CDH13: variants seen among roughly 807,000 people sequenced by gnomAD.
CDH13 encodes cadherin 13, also known as cadherin-13.
Under a neutral mutation model 63.8 loss-of-function variants are expected in CDH13, and 24 were observed. That is an observed-to-expected ratio of 0.38 (90% CI 0.27 to 0.53). The LOEUF (loss-of-function observed/expected upper bound fraction) is 0.53, where lower values mean the gene tolerates loss of function less well. CDH13 is among the 20% of genes least tolerant of loss of function. CDH13 has a pLI of 0.85. For synonymous variants in CDH13, 503 were observed against 355.3 expected, an observed-to-expected ratio of 1.42 and a Z score of -4.67; for missense variants, 1,049 against 903.1, an observed-to-expected ratio of 1.16 and a Z score of -2.07.
At chr16:82,890,301 G>A (rs755192064) in intron 2 of CDH13, among the ~76,000 whole-genome samples, 1 of 152,188 alleles carries the variant, frequency 6.6e-6, no homozygotes, top group Non-Finnish European at 1.5e-5. Flanking sequence ...ATCTAGGATA[G>A]AACAGTGTAT....
chr16:82,778,947 A>G (rs1044098776), intron 1 of CDH13, among the ~76,000 whole-genome samples: 1 of 152,146 alleles, frequency 6.6e-6, no homozygotes, highest in Non-Finnish European at 1.5e-5. Flanking sequence ...GGAAATGATC[A>G]GGAATTAGCC....
At chr16:83,507,968 G>C (rs1849017307) in intron 7 of CDH13, among the ~76,000 whole-genome samples, 1 of 150,818 alleles carries the variant, frequency 6.6e-6, no homozygotes, top group Non-Finnish European at 1.5e-5. Context: ...GGAGGCAGAG[G>C]GTGCAGTGAG....
At chr16:83,209,082 G>A (rs1159069836) in intron 4 of CDH13, among the ~76,000 whole-genome samples, 2 of 152,174 alleles carry the variant, frequency 1.3e-5, no homozygotes, top group African/African-American at 4.8e-5. Flanking sequence ...GAGGAGACCT[G>A]GAGCCAGCGA....
intron 1 of CDH13, among the ~76,000 whole-genome samples, chr16:82,829,854 G>T (rs2038447498): frequency 6.6e-6 from 1 of 152,112 alleles, no homozygotes; most frequent in Admixed American, 6.6e-5. Context: ...TGTTTTCTCT[G>T]CTGAAGCTTT....
At chr16:82,642,265 G>A (rs186700463) in intron 1 of CDH13, among the ~76,000 whole-genome samples, 1 of 152,116 alleles carries the variant, frequency 6.6e-6, no homozygotes, top group South Asian at 2.1e-4. Flanking sequence ...TAACTCAGAG[G>A]TTAGACTATA....
chr16:82,957,889 C>T (rs1906362699), intron 2 of CDH13, among the ~76,000 whole-genome samples: 1 of 152,158 alleles, frequency 6.6e-6, no homozygotes, highest in Non-Finnish European at 1.5e-5. Context: ...GACATGATAG[C>T]TGGAAAATGT....
intron 2 of CDH13, among the ~76,000 whole-genome samples, chr16:82,915,664 C>G (rs1254278575): frequency 1.3e-5 from 2 of 151,906 alleles, no homozygotes; most frequent in Admixed American, 6.6e-5. Context: ...CTACTGCCTG[C>G]TGCAGGTGAC....
intron 2 of CDH13, among the ~76,000 whole-genome samples, chr16:82,963,846 C>G (rs1055603159): frequency 2.6e-5 from 4 of 152,154 alleles, no homozygotes; most frequent in Non-Finnish European, 4.4e-5. Flanking sequence ...AGCCCTCATA[C>G]TCATGATCCT....
intron 7 of CDH13, among the ~76,000 whole-genome samples, chr16:83,501,529 C>T (rs183508392): frequency 6.6e-6 from 1 of 152,206 alleles, no homozygotes; most frequent in African/African-American, 2.4e-5. Context: ...TTGTGCTCAG[C>T]ATTGGACAGC....
In CDH13 at chr16:83,519,828, G is replaced by T. The variant is rs574189486; in HGVS notation, c.960+33173G>T. On this transcript the variant is annotated intron_variant, in intron 7 of 13. Transcript: ENST00000567109. ...GGGAACAAGGGGAACTGAAAAACAT[G>T]CATGAGGACGTTAGCTTTGAATGGG... Among the ~76,000 whole-genome samples the T allele has an allele frequency of 2.0e-5, 3 of 152,250 alleles. No homozygotes were observed. In the South Asian group the frequency reaches 6.2e-4, roughly 32 times the overall value.
At chr16:83,443,694 G>A (rs535976363) in intron 6 of CDH13, among the ~76,000 whole-genome samples, 33 of 130,742 alleles carry the variant, frequency 2.5e-4, no homozygotes, top group South Asian at 4.9e-4. Flanking sequence ...AACAGAGTGC[G>A]AAGTCCCTAC....
At chr16:83,611,960 C>T (rs1214459427) in intron 8 of CDH13, among the ~76,000 whole-genome samples, 6 of 152,014 alleles carry the variant, frequency 3.9e-5, no homozygotes, top group African/African-American at 1.4e-4. Flanking sequence ...ATAGATGGCC[C>T]ATGAATGCTT....
At chr16:82,852,406 C>A (rs575082816) in intron 1 of CDH13, among the ~76,000 whole-genome samples, 1 of 152,190 alleles carries the variant, frequency 6.6e-6, no homozygotes, top group Non-Finnish European at 1.5e-5. Context: ...ATTCTGGGCT[C>A]TTTCTATTGG....
intron 10 of CDH13, among the ~76,000 whole-genome samples, chr16:83,734,938 G>C (rs1911396385): frequency 6.7e-6 from 1 of 149,210 alleles, no homozygotes; most frequent in African/African-American, 2.5e-5. Context: ...AAGGAACTCA[G>C]ATAAGACAAT....
At chr16:82,750,719 A>C (rs898658983) in intron 1 of CDH13, among the ~76,000 whole-genome samples, 3 of 152,204 alleles carry the variant, frequency 2.0e-5, no homozygotes, top group African/African-American at 4.8e-5. Flanking sequence ...AGTAAGGAGA[A>C]ATTCTCTAAG....
At chr16:82,650,006 C>T (rs138014746) in intron 1 of CDH13, among the ~76,000 whole-genome samples, 23 of 152,222 alleles carry the variant, frequency 1.5e-4, no homozygotes, top group African/African-American at 5.3e-4. Flanking sequence ...CAACAAGGAC[C>T]ATTTCCTGGG....
At chr16:82,659,620 ACCACGTCCACAAGAAC>A (rs1489642762) in intron 1 of CDH13, among the ~76,000 whole-genome samples, 2 of 152,192 alleles carry the variant, frequency 1.3e-5, no homozygotes, top group Non-Finnish European at 2.9e-5. Flanking sequence ...AAAATATAAT[ACCACGTCCACAAGAAC>A]CCACCCACAG....
intron 1 of CDH13, among the ~76,000 whole-genome samples, chr16:82,724,368 G>T (rs1053478204): frequency 6.6e-6 from 1 of 152,000 alleles, no homozygotes; most frequent in Non-Finnish European, 1.5e-5. Context: ...CATTTGCCAG[G>T]TGCCATGCTA....
At chr16:83,792,292 C>G (rs985989005) in intron 13 of CDH13, among the ~76,000 whole-genome samples, 5 of 152,218 alleles carry the variant, frequency 3.3e-5, no homozygotes, top group African/African-American at 1.2e-4. Context: ...CGCATGCAAG[C>G]TAAGGGCTTT....
Sources: gnomAD v4.1 joint callset for allele counts (sites outside exome capture counted in the v4.1 genomes callset) on GRCh38, gnomAD v4.1.1 for gene constraint, MANE v1.5 for transcripts, NCBI Gene and HGNC (gene_info 2026-07-23, HGNC 2026-07-21) for gene names.